LRCH3: variants seen among roughly 807,000 people sequenced by gnomAD.
The protein encoded by LRCH3 is leucine rich repeats and calponin homology domain containing 3.
In LRCH3, 68 loss-of-function variants were observed where a neutral mutation model predicts 104.5. The ratio of observed to expected loss-of-function variants is 0.65; its 90% CI spans 0.54 to 0.80. The LOEUF is 0.80. LRCH3 is among the 30% of genes least tolerant of loss of function. The pLI is 0.00. For synonymous variants in LRCH3, 344 were observed against 361.3 expected (o/e 0.95, Z 0.54); for missense variants, 951 against 953.9 (o/e 1.00, Z 0.04).
Position 197,885,014 on chromosome 3 carries a change from C to T in LRCH3, c.*1348C>T, listed in dbSNP as rs1288860456. 1 of 152,238 alleles carries T rather than the reference C, an allele frequency of 6.6e-6. No homozygotes were observed. The highest frequency in any genetic ancestry group is 1.5e-5 in the Non-Finnish European group (1 of 68,070). The allele number at this position is 152,238 out of a possible 1,614,324, so 9.4% of individuals were successfully genotyped here. A position where few individuals can be genotyped will look rare whatever the true frequency, so the allele number is the denominator to read the frequency against. On this transcript the variant is annotated 3_prime_UTR_variant, in exon 21 of 21. Coordinates refer to ENST00000425562, the MANE Select transcript of LRCH3 (RefSeq NM_001365715.1). ...AGTCATACCATCATAGAAGATAGTT[C>T]TATGTCATCCTGTTATCTGGACATT... is the stretch of plus-strand genomic sequence containing the variant.
rs112378706 is a variant in LRCH3 at position 197,817,039 on chromosome 3, A to C, written c.408-137A>C. 224 of 659,058 alleles carry C rather than the reference A, an allele frequency of 3.4e-4. 2 individuals carry two copies. The East Asian group carries it at 4.4e-3, about 13-fold the overall frequency. The allele number at this position is 659,058 out of a possible 1,614,324, so 40.8% of individuals were successfully genotyped here. A position where few individuals can be genotyped will look rare whatever the true frequency, so the allele number is the denominator to read the frequency against. ...ATAAAGCTGACCACCAGTAAAACGA[A>C]GGCTAGAACTCCAGTACCCTGTTTG... On this transcript the variant is annotated intron_variant, in intron 2 of 20. Transcript: ENST00000425562.
At chr3:197,857,047 A>G (rs1259251863) in intron 14 of LRCH3, among the ~76,000 whole-genome samples, 1 of 151,848 alleles carries the variant, frequency 6.6e-6, no homozygotes, top group African/African-American at 2.4e-5. Flanking sequence ...ATCAGTTTAC[A>G]CTGACATTCT....
chr3:197,881,496 G>T, intron 20 of LRCH3: 8 of 985,406 alleles, frequency 8.1e-6, no homozygotes, highest in Non-Finnish European at 8.4e-6. Context: ...TTCACTCCCA[G>T]CATTCTGTTT....
chr3:197,864,034 G>T (rs1191883569), intron 15 of LRCH3, among the ~76,000 whole-genome samples: 1 of 152,204 alleles, frequency 6.6e-6, no homozygotes, highest in Non-Finnish European at 1.5e-5. Flanking sequence ...GGCCGGGCGT[G>T]GTGGCTCATG....
At position 197,793,021 on chromosome 3, in the gene LRCH3, T is replaced by C. The variant is rs542225654; in HGVS notation, c.262+1481T>C. On this transcript the variant is annotated intron_variant, in intron 1 of 20. Coordinates refer to ENST00000425562, the MANE Select transcript of LRCH3 (RefSeq NM_001365715.1). ...CCAGGCTGGTCTCCAACTCCTGGGC[T>C]CAAGCTATCCGCCGACCTCGGCCTT... Among the ~76,000 whole-genome samples the C allele has an allele frequency of 9.8e-5, 15 of 152,328 alleles. No homozygotes were observed. The South Asian group carries it at 3.1e-3, about 32-fold the overall frequency.
At chr3:197,871,933 A>C (rs767388156) in intron 19 of LRCH3, among the ~76,000 whole-genome samples, 2 of 152,174 alleles carry the variant, frequency 1.3e-5, no homozygotes, top group Non-Finnish European at 2.9e-5. Flanking sequence ...GTAAGGGGTA[A>C]GGCTAGAGAC....
At position 197,886,004 on chromosome 3, in the gene LRCH3, GAAAC is replaced by G. The variant is rs1365325501; in HGVS notation, c.*2342_*2345del. 2 of 152,024 alleles carry G rather than the reference GAAAC, an allele frequency of 1.3e-5. No individual in the cohort carries two copies. Among genetic ancestry groups the G allele is most frequent in the African/African-American group, 4.8e-5 (2 of 41,386 alleles). 9.4% of individuals were successfully genotyped at this position (152,024 alleles called of 1,614,324 possible). On this transcript the variant is annotated 3_prime_UTR_variant, in exon 21 of 21. Transcript: ENST00000425562. ...ATGTTTTCTTCCTTGTTCTTGCAGA[GAAAC>G]AAATTCATCAGAACATTACCACTTG... is the stretch of plus-strand genomic sequence containing the variant.
At chr3:197,791,676 AGCC>A in intron 1 of LRCH3, 136 bp downstream of exon 1, 2 of 1,021,864 alleles carry the variant, frequency 2.0e-6, no homozygotes, top group Non-Finnish European at 1.3e-6. Flanking sequence ...AACGGGGAGA[AGCC>A]GACGGCGCCA....
rs1315058932 is a variant in LRCH3 at position 197,807,277 on chromosome 3, C to T, written c.263-7631C>T. 4.7e-5 allele frequency among the ~76,000 whole-genome samples: 7 copies of T among 148,760 alleles called. No individual in the cohort carries two copies. In the East Asian group the frequency reaches 6.1e-4, roughly 13 times the overall value. ...TGTCGCCCAGGCTGGAGTGCAGTGG[C>T]GCGATCTCGGGTCACTGCCAGCTCC... On this transcript the variant is annotated intron_variant, in intron 1 of 20. Coordinates refer to ENST00000425562, the MANE Select transcript of LRCH3 (RefSeq NM_001365715.1).
intron 10 of LRCH3, among the ~76,000 whole-genome samples, chr3:197,844,704 A>G (rs1001821854): frequency 1.7e-4 from 26 of 151,328 alleles, no homozygotes; most frequent in Admixed American, 1.3e-3. Context: ...TGCAACCTCC[A>G]CCTCCCAGGT....
chr3:197,854,398 T>G lies in LRCH3; in HGVS notation c.1597T>G (p.Phe533Val). Residue 533 changes from phenylalanine to valine, a missense_variant, in exon 14 of 21, where the codon TTC becomes GTC. Phe to Val is a conservative substitution (Grantham distance 50). Coordinates refer to ENST00000425562, the MANE Select transcript of LRCH3 (RefSeq NM_001365715.1). The surrounding 1 kb of genome is among the most constrained non-coding windows in gnomAD (Gnocchi z 4.5). Reference protein sequence around the residue: ...LLDGVDGECPFPSRRSQHTDD... With the variant: ...LLDGVDGECPVPSRRSQHTDD... ...TTTTTCTCCATCTCTCCAGTGCCCCTTCCCATCCAGAAGGTCTCAGCACAC... is the reference window on the plus strand; with the variant it reads ...TTTTTCTCCATCTCTCCAGTGCCCCGTCCCATCCAGAAGGTCTCAGCACAC... 1 of 1,614,080 alleles carries G rather than the reference T, an allele frequency of 6.2e-7. No individual in the cohort carries two copies. Among genetic ancestry groups the G allele is most frequent in the Non-Finnish European group, 8.5e-7 (1 of 1,179,928 alleles).
intron 20 of LRCH3, chr3:197,880,384 A>T: frequency 1.4e-6 from 1 of 733,472 alleles, no homozygotes; most frequent in Non-Finnish European, 2.2e-6. Flanking sequence ...TCCTCAATGT[A>T]AAAATGTTAC....
chr3:197,846,159 C>T (rs1049450207), intron 10 of LRCH3, among the ~76,000 whole-genome samples: 6 of 151,874 alleles, frequency 4.0e-5, no homozygotes, highest in Non-Finnish European at 7.4e-5. Context: ...TCCCAGCACT[C>T]GGAGGCCTCG....
intron 12 of LRCH3, 87 bp downstream of exon 12, chr3:197,848,108 T>A: frequency 7.3e-7 from 1 of 1,362,940 alleles, no homozygotes; most frequent in Non-Finnish European, 1.0e-6. Context: ...TATTGTCCAT[T>A]AAAATGTCGA....
In LRCH3 at chr3:197,887,670, CACTG is replaced by C. The variant is rs1233711500; in HGVS notation, c.*4007_*4010del. On this transcript the variant is annotated 3_prime_UTR_variant, in exon 21 of 21. Transcript: ENST00000425562. ...CCCCCCCTAGCAGAGCCCTTCCCAT[CACTG>C]ACAGTGTTGGGGGCTGAGAGCCCCC... The C allele has an allele frequency of 1.4e-5, 2 of 144,826 alleles. No homozygotes were observed. The highest frequency in any genetic ancestry group is 2.7e-5 in the African/African-American group (1 of 37,208). The allele number at this position is 144,826 out of a possible 1,614,324, so 9.0% of individuals were successfully genotyped here. A position where few individuals can be genotyped will look rare whatever the true frequency, so the allele number is the denominator to read the frequency against.
intron 12 of LRCH3, among the ~76,000 whole-genome samples, chr3:197,851,644 T>C (rs1040307426): frequency 2.0e-5 from 3 of 152,178 alleles, no homozygotes; most frequent in African/African-American, 4.8e-5. Context: ...GTGTGTGATA[T>C]TTAACTATTA....
chr3:197,848,115 TC>T, intron 12 of LRCH3, 94 bp downstream of exon 12: 1 of 1,286,420 alleles, frequency 7.8e-7, no homozygotes, highest in Non-Finnish European at 1.1e-6. Flanking sequence ...CATTAAAATG[TC>T]GACCATTTTT....
chr3:197,799,840 T>C (rs958414879), intron 1 of LRCH3, among the ~76,000 whole-genome samples: 1 of 149,374 alleles, frequency 6.7e-6, no homozygotes, highest in Non-Finnish European at 1.5e-5. Context: ...GTCACTGCAC[T>C]CCAGCCTGGG....
chr3:197,844,023 A>G (rs1382651010), intron 10 of LRCH3, among the ~76,000 whole-genome samples: 1 of 152,208 alleles, frequency 6.6e-6, no homozygotes. Flanking sequence ...GAAGAGTGCA[A>G]GTAATGTTAG....
Sources: gnomAD v4.1 joint callset for allele counts (sites outside exome capture counted in the v4.1 genomes callset) on GRCh38, gnomAD v4.1.1 for gene constraint, Gnocchi (gnomAD v3.1) non-coding constraint, MANE v1.5 for transcripts, NCBI Gene and HGNC (gene_info 2026-07-23, HGNC 2026-07-21) for gene names.